Variants in DOCK2 observed in about 807,000 individuals in gnomAD.
DOCK2 encodes the protein dedicator of cytokinesis 2.
A neutral mutation model predicts 248.9 loss-of-function variants in DOCK2; 87 were observed. That is an observed-to-expected ratio of 0.35 (90% CI 0.29 to 0.42). DOCK2 has a LOEUF of 0.42. Ranked by LOEUF, DOCK2 falls within the 10% of genes least tolerant of loss-of-function variation. DOCK2 has a pLI of 1.00. For missense variants in DOCK2, 1,747 were observed against 2,300.2 expected, an observed-to-expected ratio of 0.76 and a Z score of 4.92; for synonymous variants, 805 against 821.6, an observed-to-expected ratio of 0.98 and a Z score of 0.35.
chr5:169,981,819 A>G lies in DOCK2; in HGVS notation c.2800-1249A>G, dbSNP rs916136926. On this transcript the variant is annotated intron_variant, in intron 27 of 51. Coordinates refer to ENST00000520908, the MANE Select transcript of DOCK2 (RefSeq NM_004946.3). ...TTTATGTTCTCAAATTAAAATTTAT[A>G]TTTTTTTAAACATAATGCTATTGCA... 6.6e-5 allele frequency among the ~76,000 whole-genome samples: 10 copies of G among 152,284 alleles called. No individual in the cohort carries two copies. The East Asian group carries it at 1.9e-3, about 29-fold the overall frequency.
At chr5:169,724,948 G>A (rs1762397453) in intron 22 of DOCK2, among the ~76,000 whole-genome samples, 1 of 152,100 alleles carries the variant, frequency 6.6e-6, no homozygotes, top group African/African-American at 2.4e-5. Context: ...GCTTGCAGTC[G>A]GAGGGAGCAC....
intron 30 of DOCK2, among the ~76,000 whole-genome samples, chr5:170,002,307 C>T (rs13159517): frequency 6.6e-6 from 1 of 150,852 alleles, no homozygotes; most frequent in Admixed American, 6.6e-5. Flanking sequence ...TAAAGTACAT[C>T]GTCATAGAAT....
intron 25 of DOCK2, among the ~76,000 whole-genome samples, chr5:169,767,231 A>G (rs558190457): frequency 2.6e-5 from 4 of 152,230 alleles, no homozygotes; most frequent in Non-Finnish European, 5.9e-5. Context: ...CCGCTTTTTA[A>G]TGGGGTTGTT....
In DOCK2 at chr5:169,683,646, T is replaced by C. The variant is rs571739640; in HGVS notation, c.607-550T>C. 1.2e-4 allele frequency among the ~76,000 whole-genome samples: 18 copies of C among 152,330 alleles called. 1 individual carries two copies. The South Asian group carries it at 1.9e-3, about 16-fold the overall frequency. ...CTAGTGGTTGTGTAGTTGTATCTCA[T>C]TGTAGTTTTAATTTTCATTTTTTTT... On this transcript the variant is annotated intron_variant, in intron 7 of 51. Coordinates refer to ENST00000520908, the MANE Select transcript of DOCK2 (RefSeq NM_004946.3).
intron 2 of DOCK2, among the ~76,000 whole-genome samples, chr5:169,663,592 T>C (rs1467958380): frequency 6.6e-6 from 1 of 152,236 alleles, no homozygotes; most frequent in Non-Finnish European, 1.5e-5. Flanking sequence ...AACTCTTGTC[T>C]CCTGTGCACC....
At chr5:169,812,698 T>G (rs1212824750) in intron 26 of DOCK2, among the ~76,000 whole-genome samples, 1 of 152,254 alleles carries the variant, frequency 6.6e-6, no homozygotes, top group Non-Finnish European at 1.5e-5. Flanking sequence ...ATCTGCACTC[T>G]ATGCACGTGG....
chr5:169,759,517 T>C (rs536311385), intron 23 of DOCK2, among the ~76,000 whole-genome samples, 188 bp from the exon 24 acceptor site: 26 of 152,338 alleles, frequency 1.7e-4, no homozygotes, highest in Middle Eastern at 3.4e-3. Flanking sequence ...GAGTTGTGAC[T>C]TCACTTTTGT....
chr5:169,840,572 G>A (rs146286715), intron 26 of DOCK2, among the ~76,000 whole-genome samples, 185 bp from the exon 27 acceptor site: 195 of 150,912 alleles, frequency 1.3e-3, no homozygotes, highest in African/African-American at 4.6e-3. Flanking sequence ...TGGTAATGAC[G>A]ATGGAGATAT....
intron 30 of DOCK2, among the ~76,000 whole-genome samples, chr5:170,000,885 C>T (rs1304091053): frequency 6.6e-6 from 1 of 152,170 alleles, no homozygotes; most frequent in East Asian, 1.9e-4. Context: ...TGAGAGCCAC[C>T]TTGGTCTTTA....
intron 27 of DOCK2, among the ~76,000 whole-genome samples, chr5:169,908,310 T>C (rs946550281): frequency 7.9e-5 from 12 of 152,168 alleles, no homozygotes; most frequent in African/African-American, 2.2e-4. Flanking sequence ...ATAAAGTATA[T>C]AAGCACATGC....
Position 169,983,139 on chromosome 5 carries a change from G to A in DOCK2, c.2871G>A (p.Glu957=), listed in dbSNP as rs1777983896. ...ACCAGCACTACTCCTTCTACATTGA[G>A]ACCTTCCAGACCAGCTCTGAACTTG... ...MGDQHYSFYI[E]TFQTSSELVD... Residue 957 remains glutamate (E), a synonymous_variant, in exon 28 of 52, where the codon GAG becomes GAA. Transcript: ENST00000520908. 1.2e-6 allele frequency: 2 copies of A among 1,614,012 alleles called. No individual in the cohort carries two copies. The highest frequency in any genetic ancestry group is 2.2e-5 in the East Asian group (1 of 44,882).
chr5:169,927,380 C>G (rs1215201421), intron 27 of DOCK2, among the ~76,000 whole-genome samples: 1 of 152,104 alleles, frequency 6.6e-6, no homozygotes, highest in African/African-American at 2.4e-5. Context: ...ATTGCTGGAC[C>G]CCATCCCTAG....
intron 27 of DOCK2, among the ~76,000 whole-genome samples, chr5:169,899,897 C>A (rs1773822794): frequency 6.6e-6 from 1 of 152,184 alleles, no homozygotes; most frequent in African/African-American, 2.4e-5. Flanking sequence ...TGCTATCAGG[C>A]ATCTGCCCTA....
intron 44 of DOCK2, among the ~76,000 whole-genome samples, chr5:170,062,221 C>T (rs979727794): frequency 7.2e-5 from 11 of 152,132 alleles, no homozygotes; most frequent in South Asian, 4.2e-4. Context: ...AACATCCAGA[C>T]TCAGGGTAAG....
intron 27 of DOCK2, among the ~76,000 whole-genome samples, chr5:169,879,179 G>A (rs1434871799): frequency 6.6e-6 from 1 of 152,164 alleles, no homozygotes; most frequent in Admixed American, 6.5e-5. Context: ...GACCCAGTGG[G>A]CAATCCATCA....
intron 49 of DOCK2, chr5:170,079,958 CGCCT>C: frequency 1.5e-6 from 1 of 670,558 alleles, no homozygotes; most frequent in Non-Finnish European, 2.3e-6. Context: ...CCGCCACCCC[CGCCT>C]GTAGTTGTGT....
rs536389747 is a variant in DOCK2, at chr5:169,844,171, A to G, written c.2799+3319A>G. On this transcript the variant is annotated intron_variant, in intron 27 of 51. Transcript: ENST00000520908. The stretch of plus-strand genomic sequence containing the variant: ...CATAATGAGAAAAACCTGGAATTAT[A>G]TATTTTTAAAAGCATTCCCTGAAAC... Among the ~76,000 whole-genome samples the G allele has an allele frequency of 2.0e-5, 3 of 152,326 alleles. No homozygotes were observed. In the East Asian group the frequency reaches 5.8e-4, roughly 29 times the overall value.
In DOCK2 at chr5:169,692,530, G is replaced by A. The variant is rs531090068; in HGVS notation, c.843+3197G>A. ...AGTGTGGAGGTGTGTGTGTGGGGGT[G>A]GGGTGGCGGGGGGGCGCTGTCCGAT... On this transcript the variant is annotated intron_variant, in intron 9 of 51. Coordinates refer to ENST00000520908, the MANE Select transcript of DOCK2 (RefSeq NM_004946.3). Among the ~76,000 whole-genome samples, 13 of 152,108 alleles carry A rather than the reference G, an allele frequency of 8.5e-5. No homozygotes were observed. The South Asian group carries it at 2.7e-3, about 32-fold the overall frequency.
At chr5:169,865,708 C>T (rs1256976919) in intron 27 of DOCK2, among the ~76,000 whole-genome samples, 2 of 152,286 alleles carry the variant, frequency 1.3e-5, no homozygotes, top group Middle Eastern at 3.4e-3. Flanking sequence ...GTGGAGGAAA[C>T]GTGGTCATGA....
Sources: allele counts gnomAD v4.1 joint callset (sites outside exome capture counted in the v4.1 genomes callset), GRCh38; gene constraint gnomAD v4.1.1; transcripts MANE v1.5; gene names NCBI Gene and HGNC (gene_info 2026-07-23, HGNC 2026-07-21).